The following MRAP variants were observed in gnomAD, a reference collection of about 807,000 sequenced individuals.
MRAP encodes melanocortin 2 receptor accessory protein, also known as melanocortin-2 receptor accessory protein.
MRAP carries 8 observed loss-of-function variants against 8.7 expected under a neutral mutation model. The observed-to-expected ratio is 0.92, with a 90% confidence interval of 0.54 to 1.66. The LOEUF is 1.66. Among genes scored for constraint, MRAP ranks in the 40% most tolerant of loss-of-function variants. The probability of loss-of-function intolerance (pLI) is 0.00; values close to 1 mark genes in which losing one functional copy is unlikely to be tolerated. For missense variants in MRAP, 237 were observed against 217.1 expected, an observed-to-expected ratio of 1.09 and a Z score of -0.58; for synonymous variants, 95 against 95.5, an observed-to-expected ratio of 1.00 and a Z score of 0.03.
rs886057001 is a variant in MRAP at position 32,291,844 on chromosome 21, C to T, written c.-156C>T. ...TGGGGAGGCTATGCAGGTGTGTGGG[C>T]TGGAGGTATATAGAAAATCTGCCCC... On this transcript the variant is annotated 5_prime_UTR_variant, in exon 1 of 5. Transcript: ENST00000399784. 3 of 151,948 alleles carry T rather than the reference C, an allele frequency of 2.0e-5. No individual in the cohort carries two copies. Among genetic ancestry groups the T allele is most frequent in the African/African-American group, 4.8e-5 (2 of 41,344 alleles). The allele number at this position is 151,948 out of a possible 1,614,324, so 9.4% of individuals were successfully genotyped here.
rs1476574441 is a variant in MRAP, at chr21:32,299,077, CG to C, written c.106+1del. On this transcript the variant is annotated splice_donor_variant, in intron 1 of 2. Coordinates refer to ENST00000303645, the MANE Select transcript of MRAP (RefSeq NM_001379228.1). LOFTEE classifies it high-confidence loss of function. ...CGAGAAGAAGCTGAAAGCCCACAAA[CG>C]TAAGTCTGAACTAGGGAAGCCGGTC... 8.1e-6 allele frequency: 13 copies of C among 1,613,104 alleles called. No individual in the cohort carries two copies. The highest frequency in any genetic ancestry group is 6.7e-5 in the East Asian group (3 of 44,872).
chr21:32,296,508 T>A (rs1272646221), upstream of MRAP, among the ~76,000 whole-genome samples: 1 of 152,168 alleles, frequency 6.6e-6, no homozygotes, highest in African/African-American at 2.4e-5. Context: ...TACATTGTGA[T>A]AATTGCATCG....
chr21:32,310,351 G>A (rs2032529211), intron 2 of MRAP, among the ~76,000 whole-genome samples: 1 of 151,932 alleles, frequency 6.6e-6, no homozygotes, highest in African/African-American at 2.4e-5. Flanking sequence ...GGGGGGAGGG[G>A]AGGAGGGAGG....
At chr21:32,314,658 G>A (rs2032651629), downstream of MRAP, 1 of 1,613,370 alleles carries the variant, frequency 6.2e-7, no homozygotes, top group African/African-American at 1.3e-5. Flanking sequence ...GCCTGACGAG[G>A]CACTGGATGG....
In MRAP at chr21:32,300,034, C is replaced by T. The variant is rs543495909; in HGVS notation, c.106+957C>T. ...TGGGTCTCAGCCCTGGAAACCCATG[C>T]GCTACCTATCCCGTAGGAAGTCTTA... On this transcript the variant is annotated intron_variant, in intron 1 of 2. Coordinates refer to ENST00000303645, the MANE Select transcript of MRAP (RefSeq NM_001379228.1). Among the ~76,000 whole-genome samples, 4 of 152,178 alleles carry T rather than the reference C, an allele frequency of 2.6e-5. No individual in the cohort carries two copies. In the East Asian group the frequency reaches 5.8e-4, roughly 22 times the overall value.
chr21:32,306,635 C>T lies in MRAP; in HGVS notation c.107-5C>T, dbSNP rs373512270. On this transcript the variant is annotated splice_region_variant and splice_polypyrimidine_tract_variant and intron_variant, in intron 1 of 2. Coordinates refer to ENST00000303645, the MANE Select transcript of MRAP (RefSeq NM_001379228.1). ...AGCGCTGAGATGCATCTCCTCCTCC[C>T]GCAGATTCCATCGTGATCGCATTCT... The T allele has an allele frequency of 8.1e-5, 130 of 1,613,612 alleles. No individual in the cohort carries two copies. The highest frequency in any genetic ancestry group is 1.6e-4 in the East Asian group (7 of 44,870).
intron 1 of MRAP, among the ~76,000 whole-genome samples, chr21:32,301,903 A>G (rs1039400998): frequency 6.6e-6 from 1 of 152,246 alleles, no homozygotes; most frequent in Non-Finnish European, 1.5e-5. Flanking sequence ...CACAATGTAG[A>G]AAATTCAAAG....
intron 2 of MRAP, 61 bp downstream of exon 2, chr21:32,306,800 C>A: frequency 2.3e-6 from 3 of 1,298,224 alleles, no homozygotes; most frequent in Non-Finnish European, 2.2e-6. Context: ...AGTAACAGTG[C>A]AGGTTGAGTA....
At chr21:32,299,508 G>T (rs548023214) in intron 1 of MRAP, among the ~76,000 whole-genome samples, 1 of 152,074 alleles carries the variant, frequency 6.6e-6, no homozygotes, top group African/African-American at 2.4e-5. Context: ...TTAATTTTGT[G>T]TATTTTTTTA....
rs759576823 is a variant in MRAP, at chr21:32,306,680, C to T, written c.147C>T (p.Phe49=). 9.3e-6 allele frequency: 15 copies of T among 1,614,002 alleles called. No homozygotes were observed. The highest frequency in any genetic ancestry group is 5.0e-5 in the Admixed American group (3 of 59,990). The change falls in exon 2 of 3, where the codon TTC becomes TTT. Residue 49 remains phenylalanine, a synonymous_variant. Coordinates refer to ENST00000303645, the MANE Select transcript of MRAP (RefSeq NM_001379228.1). ...CATTCTGGGTGAGCCTGGCTGCCTT[C>T]GTGGTGCTGCTCTTCCTCATCTTGC... ...VIAFWVSLAA[F]VVLLFLILLY...
At chr21:32,314,707 T>G, downstream of MRAP, 3 of 1,561,180 alleles carry the variant, frequency 1.9e-6, no homozygotes, top group Non-Finnish European at 2.6e-6. Flanking sequence ...CTTGCAACTC[T>G]GATGCTGGGC....
upstream of MRAP, among the ~76,000 whole-genome samples, chr21:32,296,405 G>A (rs966326510): frequency 3.9e-5 from 6 of 152,202 alleles, no homozygotes; most frequent in African/African-American, 1.2e-4. Flanking sequence ...GAAACATCTG[G>A]AAGTACACAG....
intron 1 of MRAP, among the ~76,000 whole-genome samples, chr21:32,302,979 C>CCT (rs367631855): frequency 2.4e-5 from 3 of 124,282 alleles, no homozygotes; most frequent in Non-Finnish European, 4.8e-5. Flanking sequence ...CCCCAATTCC[C>CCT]TTTTTTTTTT....
At chr21:32,292,508 AT>A (rs2032066815) in intron 1 of MRAP, among the ~76,000 whole-genome samples, 2 of 152,090 alleles carry the variant, frequency 1.3e-5, no homozygotes, top group South Asian at 4.1e-4. Context: ...CCAGGTTGGA[AT>A]ACAGTGGCGT....
intron 1 of MRAP, among the ~76,000 whole-genome samples, chr21:32,304,310 G>A (rs1357146915): frequency 6.6e-6 from 1 of 152,142 alleles, no homozygotes; most frequent in East Asian, 1.9e-4. Context: ...GAGAGTCAGA[G>A]GCTTCTTTCA....
upstream of MRAP, among the ~76,000 whole-genome samples, chr21:32,295,765 CAGG>C (rs2032128656): frequency 6.6e-6 from 1 of 152,146 alleles, no homozygotes; most frequent in Non-Finnish European, 1.5e-5. Context: ...CTCCTGAGAT[CAGG>C]AGTTCGAGAC....
Position 32,312,023 on chromosome 21 carries a change from G to A in MRAP, c.*27G>A, listed in dbSNP as rs1400678007. ...GTCAGTAAATCGTGGCCATAGCTGA[G>A]TGAACTGGTGAAATCAAGCCAACCT... On this transcript the variant is annotated 3_prime_UTR_variant, in exon 3 of 3. Transcript: ENST00000303645. The A allele has an allele frequency of 1.9e-6, 3 of 1,612,256 alleles. No individual in the cohort carries two copies. The highest frequency in any genetic ancestry group is 1.7e-5 in the Admixed American group (1 of 60,008).
At chr21:32,292,725 G>C (rs1490577978) in intron 1 of MRAP, among the ~76,000 whole-genome samples, 2 of 151,932 alleles carry the variant, frequency 1.3e-5, no homozygotes, top group Admixed American at 6.6e-5. Flanking sequence ...CCAAATTGCA[G>C]GTAATTCACC....
Position 32,312,139 on chromosome 21 carries a change from A to G in MRAP, c.*143A>G, listed in dbSNP as rs777827455. 7.7e-5 allele frequency: 119 copies of G among 1,537,678 alleles called. No homozygotes were observed. Among genetic ancestry groups the G allele is most frequent in the Non-Finnish European group, 1.0e-4 (118 of 1,147,376 alleles). On this transcript the variant is annotated 3_prime_UTR_variant, in exon 3 of 3. Transcript: ENST00000303645. ...AGTGCAACTAGAGCAGGAGCATCCT[A>G]TGCCTTTGACAAAGATTGCAGTGGC...
Sources: allele counts gnomAD v4.1 joint callset (sites outside exome capture counted in the v4.1 genomes callset), GRCh38; gene constraint gnomAD v4.1.1; transcripts MANE v1.5; gene names NCBI Gene and HGNC (gene_info 2026-07-23, HGNC 2026-07-21).